The following SHC3 variants were observed in gnomAD, a reference collection of about 807,000 sequenced individuals.
The protein encoded by SHC3 is SHC-transforming protein 3.
Under a neutral mutation model 60.4 loss-of-function variants are expected in SHC3, and 15 were observed. The ratio of observed to expected loss-of-function variants is 0.25; its 90% CI spans 0.17 to 0.38. The LOEUF is 0.38. Among genes scored for constraint, SHC3 ranks in the 10% least tolerant of loss-of-function variants. The pLI is 1.00. For missense variants in SHC3, 677 were observed against 786.1 expected (o/e 0.86, Z 1.66); for synonymous variants, 294 against 325.9 (o/e 0.90, Z 1.05).
At position 89,170,212 on chromosome 9, in the gene SHC3, C is replaced by T. The variant is rs542820657; in HGVS notation, c.474+7775G>A. Among the ~76,000 whole-genome samples, 39 of 152,330 alleles carry T rather than the reference C, an allele frequency of 2.6e-4. No homozygotes were observed. In the South Asian group the frequency reaches 8.1e-3, roughly 32 times the overall value. ...GACATGGTACAGCACAGGGGCACAT[C>T]CAGGAACTAAACAATGTGCCTGGCA... On this transcript the variant is annotated intron_variant, in intron 1 of 11. Coordinates refer to ENST00000375835, the MANE Select transcript of SHC3 (RefSeq NM_016848.6).
rs924517784 is a variant in SHC3, at chr9:89,110,563, C to T, written c.545+1993G>A. The T allele has an allele frequency of 2.4e-5, 17 of 704,518 alleles. No individual in the cohort carries two copies. In the African/African-American group the frequency reaches 3.1e-4, roughly 13 times the overall value. 43.6% of individuals were successfully genotyped at this position (704,518 alleles called of 1,614,324 possible). On this transcript the variant is annotated intron_variant, in intron 2 of 11. Coordinates refer to ENST00000375835, the MANE Select transcript of SHC3 (RefSeq NM_016848.6). ...GTATTCTTCAACTGGATGCAAAGTG[C>T]TTCATTCTGAAGTTGATTTGTCAAA...
chr9:89,134,078 A>T (rs967565063), intron 1 of SHC3, among the ~76,000 whole-genome samples: 1 of 152,108 alleles, frequency 6.6e-6, no homozygotes, highest in Non-Finnish European at 1.5e-5. Context: ...TCACTTATGA[A>T]CCAGGTTTTT....
At position 89,035,853 on chromosome 9, in the gene SHC3, GTGTGTGT is replaced by G. The variant is rs1168658795; in HGVS notation, c.1656+2133_1656+2139del. ...AAAATATATATATATATATATAGAT[GTGTGTGT>G]GTGTGTGTGTGTGTGTGTGTGTGTG... On this transcript the variant is annotated intron_variant, in intron 11 of 11. Transcript: ENST00000375835. Among the ~76,000 whole-genome samples, 70 of 98,496 alleles carry G rather than the reference GTGTGTGT, an allele frequency of 7.1e-4. 2 individuals carry two copies. The highest frequency in any genetic ancestry group is 2.0e-3 in the African/African-American group (54 of 26,738). 64.6% of individuals were successfully genotyped at this position (98,496 alleles called of 152,430 possible). A position where few individuals can be genotyped will look rare whatever the true frequency, so the allele number is the denominator to read the frequency against.
At chr9:89,131,689 C>T (rs1021289776) in intron 1 of SHC3, among the ~76,000 whole-genome samples, 1 of 152,144 alleles carries the variant, frequency 6.6e-6, no homozygotes, top group African/African-American at 2.4e-5. Context: ...GCAGAAAAGG[C>T]TTTCAACAAA....
chr9:89,119,171 T>C lies in SHC3; in HGVS notation c.475-6545A>G, dbSNP rs994477541. ...GTTTATATATGTGTGTAAAAAATTA[T>C]ATATCACTGTAAAAATAAGAATAGA... On this transcript the variant is annotated intron_variant, in intron 1 of 11. Coordinates refer to ENST00000375835, the MANE Select transcript of SHC3 (RefSeq NM_016848.6). 9.2e-5 allele frequency among the ~76,000 whole-genome samples: 14 copies of C among 152,076 alleles called. 1 individual carries two copies. Among genetic ancestry groups the C allele is most frequent in the Admixed American group, 7.9e-4 (12 of 15,232 alleles).
intron 2 of SHC3, among the ~76,000 whole-genome samples, chr9:89,087,784 G>T (rs971597663): frequency 6.6e-6 from 1 of 152,090 alleles, no homozygotes; most frequent in Non-Finnish European, 1.5e-5. Context: ...GGGAAGAGGG[G>T]GTCAGACATG....
chr9:89,157,514 T>C (rs1420455861), intron 1 of SHC3, among the ~76,000 whole-genome samples: 1 of 152,250 alleles, frequency 6.6e-6, no homozygotes, highest in East Asian at 1.9e-4. Context: ...AAGATAAATT[T>C]CTGTTGTTTT....
At chr9:89,046,756 C>T in intron 8 of SHC3, 88 bp downstream of exon 8, 1 of 1,343,270 alleles carries the variant, frequency 7.4e-7, no homozygotes. Flanking sequence ...AACAGAACAT[C>T]AGCCTGAAAT....
At chr9:89,081,135 T>C (rs1825438600) in intron 2 of SHC3, among the ~76,000 whole-genome samples, 1 of 152,064 alleles carries the variant, frequency 6.6e-6, no homozygotes, top group African/African-American at 2.4e-5. Flanking sequence ...AAAAGAAAAA[T>C]ATTGACACAC....
chr9:89,031,583 T>C (rs1383792067), intron 11 of SHC3, among the ~76,000 whole-genome samples: 1 of 152,248 alleles, frequency 6.6e-6, no homozygotes, highest in Non-Finnish European at 1.5e-5. Flanking sequence ...ATTCTTTTTA[T>C]AGCTGAATTA....
At chr9:89,146,311 C>T (rs564100111) in intron 1 of SHC3, among the ~76,000 whole-genome samples, 4 of 151,690 alleles carry the variant, frequency 2.6e-5, no homozygotes, top group East Asian at 3.9e-4. Flanking sequence ...AAGCTGAGAT[C>T]GCGCCACTGC....
chr9:89,152,654 A>C (rs1826561267), intron 1 of SHC3, among the ~76,000 whole-genome samples: 1 of 152,226 alleles, frequency 6.6e-6, no homozygotes, highest in Non-Finnish European at 1.5e-5. Flanking sequence ...GAAGTTCCAA[A>C]ATGACTTGAT....
At chr9:89,140,715 G>GA (rs930043310) in intron 1 of SHC3, among the ~76,000 whole-genome samples, 7 of 151,664 alleles carry the variant, frequency 4.6e-5, no homozygotes, top group Admixed American at 2.6e-4. Context: ...GTTTCATGAG[G>GA]AAAAAAAAGA....
intron 1 of SHC3, among the ~76,000 whole-genome samples, chr9:89,158,354 T>A (rs1339697848): frequency 6.6e-6 from 1 of 152,198 alleles, no homozygotes; most frequent in Non-Finnish European, 1.5e-5. Flanking sequence ...CCATTTTAAA[T>A]TGAATTTCAT....
At chr9:89,078,073 AC>A (rs1477487248) in intron 2 of SHC3, among the ~76,000 whole-genome samples, 170 bp from the exon 3 acceptor site, 1 of 149,090 alleles carries the variant, frequency 6.7e-6, no homozygotes, top group Non-Finnish European at 1.5e-5. Flanking sequence ...ACAAAACTAA[AC>A]AAAACGCAAA....
At position 89,075,118 on chromosome 9, in the gene SHC3, G is replaced by A; in HGVS notation, c.720C>T (p.Asp240=). The A allele has an allele frequency of 6.2e-7, 1 of 1,613,986 alleles. No homozygotes were observed. The highest frequency in any genetic ancestry group is 8.5e-7 in the Non-Finnish European group (1 of 1,179,896). ...STASLNLRTP[D]SKQIIANHHM... ...CTGAGCACCCATGTACCTGTTTGGA[G>A]TCCGGAGTTCGCAGGTTCAGACTGG... Residue 240 remains aspartate (D), a synonymous_variant, in exon 4 of 12, where the codon GAC becomes GAT. Transcript: ENST00000375835.
intron 1 of SHC3, among the ~76,000 whole-genome samples, chr9:89,145,740 T>A (rs910389165): frequency 2.0e-5 from 3 of 152,146 alleles, no homozygotes; most frequent in Non-Finnish European, 4.4e-5. Flanking sequence ...GGTGCAATGT[T>A]AGAACAACAC....
intron 2 of SHC3, among the ~76,000 whole-genome samples, chr9:89,108,618 G>A (rs1426412475): frequency 6.6e-6 from 1 of 152,046 alleles, no homozygotes; most frequent in African/African-American, 2.4e-5. Context: ...AAGATTAATT[G>A]AAATCTAATT....
At chr9:89,046,052 G>GC (rs907388718) in intron 8 of SHC3, among the ~76,000 whole-genome samples, 3 of 139,082 alleles carry the variant, frequency 2.2e-5, no homozygotes, top group African/African-American at 8.2e-5. Context: ...AACTACACAT[G>GC]CCCCCCCGCT....
Sources: gnomAD v4.1 joint callset for allele counts (sites outside exome capture counted in the v4.1 genomes callset) on GRCh38, gnomAD v4.1.1 for gene constraint, MANE v1.5 for transcripts, NCBI Gene and HGNC (gene_info 2026-07-23, HGNC 2026-07-21) for gene names.